The following BMPR1B variants were observed in gnomAD, a reference collection of about 807,000 sequenced individuals.
BMPR1B encodes bone morphogenetic protein receptor type 1B, also known as bone morphogenetic protein receptor type-1B.
A neutral mutation model predicts 59.1 loss-of-function variants in BMPR1B; 12 were observed. That is an observed-to-expected ratio of 0.20 (90% CI 0.13 to 0.33). The LOEUF is 0.33. Ranked by LOEUF, BMPR1B falls within the 10% of genes least tolerant of loss-of-function variation. The probability of loss-of-function intolerance (pLI) is 1.00; values close to 1 mark genes in which losing one functional copy is unlikely to be tolerated. For synonymous variants in BMPR1B, 237 were observed against 207.3 expected (o/e 1.14, Z -1.23); for missense variants, 550 against 610.9 (o/e 0.90, Z 1.05).
intron 3 of BMPR1B, among the ~76,000 whole-genome samples, chr4:95,082,691 T>C (rs759300665): frequency 1.3e-5 from 2 of 152,132 alleles, no homozygotes; most frequent in Non-Finnish European, 2.9e-5. Context: ...TAATATTCAG[T>C]ACCCTTTTTT....
intron 3 of BMPR1B, among the ~76,000 whole-genome samples, chr4:95,084,322 T>G (rs1255253376): frequency 6.6e-6 from 1 of 151,754 alleles, no homozygotes; most frequent in Non-Finnish European, 1.5e-5. Context: ...TTTATACGTG[T>G]GTGTGTATGT....
intron 2 of BMPR1B, among the ~76,000 whole-genome samples, chr4:94,893,499 C>G (rs1484923512): frequency 6.6e-6 from 1 of 151,794 alleles, no homozygotes; most frequent in African/African-American, 2.4e-5. Context: ...TTCTCTTGTT[C>G]TTTTTTTTAA....
intron 3 of BMPR1B, among the ~76,000 whole-genome samples, chr4:95,042,417 A>G (rs917887266): frequency 1.3e-5 from 2 of 152,160 alleles, no homozygotes; most frequent in Admixed American, 1.3e-4. Context: ...ACTTCATTTC[A>G]TGCAAAAAAA....
At chr4:94,953,828 C>A (rs898018197) in intron 2 of BMPR1B, among the ~76,000 whole-genome samples, 2 of 152,142 alleles carry the variant, frequency 1.3e-5, no homozygotes, top group African/African-American at 4.8e-5. Flanking sequence ...GGAAGTTCTC[C>A]TGGATAATAT....
chr4:95,046,648 A>G (rs1726080788), intron 3 of BMPR1B, among the ~76,000 whole-genome samples: 1 of 152,164 alleles, frequency 6.6e-6, no homozygotes, highest in Non-Finnish European at 1.5e-5. Context: ...CAGTGATGAC[A>G]TATCCTACAC....
intron 2 of BMPR1B, among the ~76,000 whole-genome samples, chr4:94,989,166 G>T (rs985745092): frequency 1.3e-5 from 2 of 152,054 alleles, no homozygotes; most frequent in African/African-American, 4.8e-5. Context: ...TGAGGCTGGT[G>T]GATCACGAGG....
intron 2 of BMPR1B, among the ~76,000 whole-genome samples, chr4:94,887,765 T>G (rs568053311): frequency 2.0e-5 from 3 of 151,992 alleles, no homozygotes; most frequent in East Asian, 3.9e-4. Flanking sequence ...AGACTGGCAA[T>G]AAAGGAATAA....
intron 2 of BMPR1B, among the ~76,000 whole-genome samples, chr4:94,888,079 T>A (rs1324791276): frequency 6.6e-6 from 1 of 152,116 alleles, no homozygotes; most frequent in Non-Finnish European, 1.5e-5. Context: ...TGGAACAGTT[T>A]TGTTATTGTT....
At chr4:94,869,016 A>G (rs1422344952) in intron 1 of BMPR1B, among the ~76,000 whole-genome samples, 2 of 151,988 alleles carry the variant, frequency 1.3e-5, no homozygotes, top group Admixed American at 6.6e-5. Flanking sequence ...AAACAGTCAA[A>G]AACTATTTCT....
intron 2 of BMPR1B, among the ~76,000 whole-genome samples, chr4:94,992,414 T>C (rs1221168933): frequency 6.6e-6 from 1 of 152,232 alleles, no homozygotes; most frequent in Non-Finnish European, 1.5e-5. Flanking sequence ...TATGTGGTAC[T>C]GTAGTCCAGC....
chr4:94,759,626 C>G (rs961380088), intron 1 of BMPR1B, among the ~76,000 whole-genome samples: 1 of 152,118 alleles, frequency 6.6e-6, no homozygotes, highest in South Asian at 2.1e-4. Context: ...ACTTTATACC[C>G]CTTTACACTC....
chr4:95,137,842 G>T (rs1160153326), intron 10 of BMPR1B, among the ~76,000 whole-genome samples: 1 of 151,992 alleles, frequency 6.6e-6, no homozygotes, highest in African/African-American at 2.4e-5. Context: ...CACACTGATG[G>T]GTCTTGACTC....
chr4:95,091,541 G>C (rs927474304), intron 3 of BMPR1B: 1 of 985,168 alleles, frequency 1.0e-6, no homozygotes, highest in Admixed American at 6.2e-5. Context: ...CTTTTTAGTG[G>C]AAACCCCTAG....
chr4:94,857,598 G>A (rs1464386987), intron 1 of BMPR1B, among the ~76,000 whole-genome samples: 1 of 152,148 alleles, frequency 6.6e-6, no homozygotes, highest in African/African-American at 2.4e-5. Flanking sequence ...GCTAACAGAT[G>A]AACAAGGAGA....
intron 3 of BMPR1B, among the ~76,000 whole-genome samples, chr4:95,059,953 A>C (rs1221348189): frequency 1.3e-5 from 2 of 152,182 alleles, no homozygotes; most frequent in African/African-American, 4.8e-5. Context: ...GTGGGACTTC[A>C]GAGGTTTTAT....
At chr4:95,032,521 C>T (rs1436294623) in intron 3 of BMPR1B, among the ~76,000 whole-genome samples, 1 of 152,092 alleles carries the variant, frequency 6.6e-6, no homozygotes, top group Admixed American at 6.6e-5. Context: ...TAAACAACTA[C>T]TTCCTATTTT....
rs145107088 is a variant in BMPR1B at position 95,120,964 on chromosome 4, A to T, written c.350-2846A>T. 8.4e-3 allele frequency among the ~76,000 whole-genome samples: 1,276 copies of T among 152,072 alleles called. 10 individuals carry two copies. Among genetic ancestry groups the T allele is most frequent in the Non-Finnish European group, 0.011 (724 of 67,994 alleles). ...GCTGGGATTACAGGCGTGTGCCATC[A>T]TGCCCAGCTAATTTTTGTATTTTTG... On this transcript the variant is annotated intron_variant, in intron 6 of 12. Coordinates refer to ENST00000515059, the MANE Select transcript of BMPR1B (RefSeq NM_001203.3).
chr4:95,032,869 G>T (rs1293191722), intron 3 of BMPR1B, among the ~76,000 whole-genome samples: 1 of 152,090 alleles, frequency 6.6e-6, no homozygotes, highest in Non-Finnish European at 1.5e-5. Flanking sequence ...TTGAGACACA[G>T]CTTTCAAGTC....
At chr4:94,795,191 C>T in intron 1 of BMPR1B, among the ~76,000 whole-genome samples, 1 of 147,414 alleles carries the variant, frequency 6.8e-6, no homozygotes, top group Non-Finnish European at 1.5e-5. Flanking sequence ...TGAAATATGT[C>T]CCATCAATAC....
Sources: gnomAD v4.1 joint callset for allele counts (sites outside exome capture counted in the v4.1 genomes callset) on GRCh38, gnomAD v4.1.1 for gene constraint, MANE v1.5 for transcripts, NCBI Gene and HGNC (gene_info 2026-07-23, HGNC 2026-07-21) for gene names.